SGCG: variants seen among roughly 807,000 people sequenced by gnomAD.
The protein encoded by SGCG is sarcoglycan gamma.
A neutral mutation model predicts 29.3 loss-of-function variants in SGCG; 26 were observed. The observed-to-expected ratio is 0.89, with a 90% CI of 0.65 to 1.23. The LOEUF (loss-of-function observed/expected upper bound fraction) is 1.23, where lower values mean the gene tolerates loss of function less well. Among genes scored for constraint, SGCG ranks in the 50% most tolerant of loss-of-function variants. The pLI, the probability that SGCG is intolerant of heterozygous loss-of-function variation, is 0.00. For missense variants in SGCG, 353 were observed against 356.0 expected (o/e 0.99, Z 0.07); for synonymous variants, 145 against 129.7 (o/e 1.12, Z -0.80).
At chr13:23,210,686 G>C (rs888389528) in intron 2 of SGCG, among the ~76,000 whole-genome samples, 1 of 152,072 alleles carries the variant, frequency 6.6e-6, no homozygotes. Context: ...GCAAGACCCC[G>C]TCTCAAAAAA....
In SGCG at chr13:23,266,603, ATGTACACTAC is replaced by A. The variant is rs554139188; in HGVS notation, c.386-12754_386-12745del. Among the ~76,000 whole-genome samples the A allele has an allele frequency of 4.6e-4, 70 of 152,312 alleles. 1 individual carries two copies. The South Asian group carries it at 0.014, about 31-fold the overall frequency. On this transcript the variant is annotated intron_variant, in intron 4 of 7. Coordinates refer to ENST00000218867, the MANE Select transcript of SGCG (RefSeq NM_000231.3). ...GATGAAAAACTACCTATTGGGTACT[ATGTACACTAC>A]TTGGGTGATGAGTGCACTAAAATCC... is the stretch of plus-strand genomic sequence containing the variant.
intron 4 of SGCG, among the ~76,000 whole-genome samples, chr13:23,254,245 G>A (rs1233239408): frequency 6.6e-6 from 1 of 152,146 alleles, no homozygotes; most frequent in Non-Finnish European, 1.5e-5. Flanking sequence ...CCAAAATGCT[G>A]TTAGAAATGT....
chr13:23,234,524 A>C, intron 2 of SGCG, 87 bp from the exon 3 acceptor site: 1 of 911,336 alleles, frequency 1.1e-6, no homozygotes, highest in East Asian at 2.4e-5. Context: ...ATATATGGAA[A>C]TACATGTGTG....
intron 3 of SGCG, among the ~76,000 whole-genome samples, chr13:23,248,213 A>AT (rs1204015073): frequency 1.3e-5 from 2 of 151,232 alleles, no homozygotes; most frequent in Admixed American, 1.3e-4. Flanking sequence ...TCAAAAAAAA[A>AT]TTTTTTTAAT....
intron 2 of SGCG, among the ~76,000 whole-genome samples, chr13:23,218,666 G>T (rs1038208411): frequency 6.6e-6 from 1 of 151,914 alleles, no homozygotes; most frequent in Non-Finnish European, 1.5e-5. Flanking sequence ...AAATATAACT[G>T]CTGATTGAAC....
intron 3 of SGCG, among the ~76,000 whole-genome samples, chr13:23,239,623 AAAGAACAAT>A (rs144353689): frequency 6.6e-6 from 1 of 152,344 alleles, no homozygotes; most frequent in African/African-American, 2.4e-5. Context: ...CTCAAAGCCA[AAAGAACAAT>A]GTATTTGGGA....
intron 4 of SGCG, among the ~76,000 whole-genome samples, chr13:23,266,943 A>G (rs1880664287): frequency 6.6e-6 from 1 of 152,178 alleles, no homozygotes; most frequent in African/African-American, 2.4e-5. Context: ...GCAATGCAAT[A>G]ATGAACTAAC....
At chr13:23,220,051 C>T (rs1878598374) in intron 2 of SGCG, among the ~76,000 whole-genome samples, 1 of 151,920 alleles carries the variant, frequency 6.6e-6, no homozygotes, top group Non-Finnish European at 1.5e-5. Flanking sequence ...CCATGTTAGC[C>T]AGGATGGTCC....
At position 23,298,888 on chromosome 13, in the gene SGCG, G is replaced by A. The variant is rs76231621; in HGVS notation, c.578+3401G>A. ...CTTTCTAAAAGGCGGTACTGAGGAAGGATTGAGCAACTTGAGTGTTAAAAC... is the reference window on the plus strand; with the variant it reads ...CTTTCTAAAAGGCGGTACTGAGGAAAGATTGAGCAACTTGAGTGTTAAAAC... On this transcript the variant is annotated intron_variant, in intron 6 of 7. Coordinates refer to ENST00000218867, the MANE Select transcript of SGCG (RefSeq NM_000231.3). Among the ~76,000 whole-genome samples the A allele has an allele frequency of 1.3e-3, 204 of 152,244 alleles. 1 individual carries two copies. The highest frequency in any genetic ancestry group is 4.7e-3 in the African/African-American group (197 of 41,550).
intron 5 of SGCG, among the ~76,000 whole-genome samples, chr13:23,291,906 C>T (rs1250655217): frequency 1.3e-5 from 2 of 152,100 alleles, no homozygotes; most frequent in South Asian, 2.1e-4. Context: ...GCATGTAGCA[C>T]CTTTTTCAAG....
the SGCG span, among the ~76,000 whole-genome samples, chr13:23,170,904 G>A: frequency 6.6e-6 from 1 of 152,204 alleles, no homozygotes; most frequent in South Asian, 2.1e-4. Flanking sequence ...CAAGCCTAAT[G>A]ACCTGCATGC....
Position 23,279,401 on chromosome 13 carries a change from A to G in SGCG, c.428A>G (p.Asn143Ser), listed in dbSNP as rs369818411. 5 of 1,613,242 alleles carry G rather than the reference A, an allele frequency of 3.1e-6. No homozygotes were observed. The African/African-American group carries it at 5.3e-5, about 17-fold the overall frequency. ...GTCCAGAATCAACAGTTTCAGATCA[A>G]CTCCAACGACGGCAAGCCACTATTT... ...VEVQNQQFQI[N>S]SNDGKPLFTV... Residue 143 changes from asparagine (N) to serine (S), a missense_variant, in exon 5 of 8, where the codon AAC (asparagine) becomes AGC (serine). Transcript: ENST00000218867.
chr13:23,240,112 G>A (rs1879450873), intron 3 of SGCG, among the ~76,000 whole-genome samples: 1 of 152,044 alleles, frequency 6.6e-6, no homozygotes, highest in Admixed American at 6.6e-5. Context: ...AAAGTAAAAG[G>A]TTATACCATA....
At chr13:23,324,082 A>G (rs1883142423) in intron 7 of SGCG, among the ~76,000 whole-genome samples, 3 of 152,212 alleles carry the variant, frequency 2.0e-5, no homozygotes, top group South Asian at 4.1e-4. Context: ...AAGGTGAAAC[A>G]TGTTTTCACA....
intron 3 of SGCG, among the ~76,000 whole-genome samples, chr13:23,240,030 A>G (rs552509534): frequency 1.5e-4 from 23 of 152,300 alleles, no homozygotes; most frequent in Admixed American, 8.5e-4. Flanking sequence ...GTGAAACTGA[A>G]CACAGAAGCA....
At chr13:23,216,969 G>C (rs937220037) in intron 2 of SGCG, among the ~76,000 whole-genome samples, 1 of 151,982 alleles carries the variant, frequency 6.6e-6, no homozygotes, top group Non-Finnish European at 1.5e-5. Context: ...TTTAATTCCT[G>C]GGTAGTCATA....
At chr13:23,204,076 A>G (rs1255920167) in intron 2 of SGCG, among the ~76,000 whole-genome samples, 187 bp downstream of exon 2, 2 of 151,174 alleles carry the variant, frequency 1.3e-5, no homozygotes, top group Non-Finnish European at 2.9e-5. Flanking sequence ...CCTCATTGTG[A>G]ACTATAGTGT....
chr13:23,324,352 A>G lies in SGCG; in HGVS notation c.703-16A>G, dbSNP rs376682352. 1.1e-5 allele frequency: 18 copies of G among 1,614,014 alleles called. No homozygotes were observed. In the East Asian group the frequency reaches 1.6e-4, roughly 14 times the overall value. ...GCCCTTCCTTAACTCTTCGTCTCTCATCTTCTCCCAACCAGCTTGTGCTTG... is the reference window on the plus strand; with the variant it reads ...GCCCTTCCTTAACTCTTCGTCTCTCGTCTTCTCCCAACCAGCTTGTGCTTG... On this transcript the variant is annotated splice_polypyrimidine_tract_variant and intron_variant, in intron 7 of 7. Coordinates refer to ENST00000218867, the MANE Select transcript of SGCG (RefSeq NM_000231.3).
At chr13:23,297,349 T>C (rs11841882) in intron 6 of SGCG, among the ~76,000 whole-genome samples, 64,464 of 151,798 alleles carry the variant, frequency 0.42, 14,194 homozygotes, top group Non-Finnish European at 0.46. Flanking sequence ...TATAGAGGTG[T>C]GAAGTGGGAA....
Sources: allele counts gnomAD v4.1 joint callset (sites outside exome capture counted in the v4.1 genomes callset), GRCh38; gene constraint gnomAD v4.1.1; transcripts MANE v1.5; gene names NCBI Gene and HGNC (gene_info 2026-07-23, HGNC 2026-07-21).